The following UPP2 variants were observed in gnomAD, a reference collection of about 807,000 sequenced individuals.
The protein encoded by UPP2 is uridine phosphorylase 2.
Under a neutral mutation model 26.7 loss-of-function variants are expected in UPP2, and 23 were observed. The ratio of observed to expected loss-of-function variants is 0.86; its 90% CI spans 0.62 to 1.22. UPP2 has a LOEUF of 1.22. Ranked by LOEUF, UPP2 falls within the 50% of genes most tolerant of loss-of-function variation. UPP2 has a pLI of 0.00. For missense variants in UPP2, 387 were observed against 396.7 expected, an observed-to-expected ratio of 0.98 and a Z score of 0.21; for synonymous variants, 127 against 141.3, an observed-to-expected ratio of 0.90 and a Z score of 0.72.
intron 2 of UPP2, among the ~76,000 whole-genome samples, chr2:157,999,238 G>A (rs1299211371): frequency 2.0e-5 from 3 of 152,148 alleles, no homozygotes; most frequent in Non-Finnish European, 4.4e-5. Flanking sequence ...GAGTGCAATG[G>A]TGTGATCTTA....
At chr2:158,121,330 C>A in intron 4 of UPP2, 79 bp from the exon 5 acceptor site, 1 of 1,285,612 alleles carries the variant, frequency 7.8e-7, no homozygotes, top group Non-Finnish European at 1.1e-6. Flanking sequence ...AGCATTAATA[C>A]TAGAATAAGT....
At chr2:158,133,580 T>C (rs1366104440) in intron 6 of UPP2, 1 of 152,216 alleles carries the variant, frequency 6.6e-6, no homozygotes, top group Non-Finnish European at 1.5e-5. Context: ...AATTTAATCA[T>C]TTCACAATGT....
Position 158,119,113 on chromosome 2 carries a change from T to C in UPP2, c.454+1175T>C, listed in dbSNP as rs183844207. On this transcript the variant is annotated intron_variant, in intron 4 of 6. Coordinates refer to ENST00000005756, the MANE Select transcript of UPP2 (RefSeq NM_173355.4). ...ATTTGGGCATGAATTTCAGATAACA[T>C]AGCTATTAAAGTTGCTCATAATTCT... is the stretch of plus-strand genomic sequence containing the variant. Among the ~76,000 whole-genome samples the C allele has an allele frequency of 3.3e-5, 5 of 152,204 alleles. No homozygotes were observed. In the East Asian group the frequency reaches 5.8e-4, roughly 18 times the overall value.
At position 158,021,501 on chromosome 2, in the gene UPP2, G is replaced by T. The variant is rs575056484; in HGVS notation, c.147+5615G>T. On this transcript the variant is annotated intron_variant, in intron 3 of 9. Coordinates refer to the UPP2 transcript ENST00000605860. ...ACATGGCTGTCTGTTCATCGGAGGAGAACAAAACACAGCAGAGAAGAAATT... is the reference window on the plus strand; with the variant it reads ...ACATGGCTGTCTGTTCATCGGAGGATAACAAAACACAGCAGAGAAGAAATT... Among the ~76,000 whole-genome samples, 3 of 152,326 alleles carry T rather than the reference G, an allele frequency of 2.0e-5. No individual in the cohort carries two copies. In the East Asian group the frequency reaches 5.8e-4, roughly 29 times the overall value.
intron 2 of UPP2, among the ~76,000 whole-genome samples, chr2:157,995,673 G>GA (rs1434121190): frequency 6.6e-6 from 1 of 151,798 alleles, no homozygotes; most frequent in Non-Finnish European, 1.5e-5. Context: ...AAAGACCCCA[G>GA]AAAAATTATT....
chr2:158,110,944 C>T (rs1177542366), intron 2 of UPP2, among the ~76,000 whole-genome samples: 1 of 152,040 alleles, frequency 6.6e-6, no homozygotes, highest in Non-Finnish European at 1.5e-5. Context: ...AAAATTTTCT[C>T]CCATTCTGAG....
intron 2 of UPP2, among the ~76,000 whole-genome samples, chr2:158,007,616 T>G (rs989883312): frequency 1.3e-5 from 2 of 150,172 alleles, no homozygotes; most frequent in African/African-American, 5.0e-5. Context: ...TTTTCACGTA[T>G]TTCTCTCTCT....
At chr2:158,121,760 C>T (rs1276123344) in intron 5 of UPP2, 142 bp downstream of exon 5, 2 of 731,692 alleles carry the variant, frequency 2.7e-6, no homozygotes, top group Non-Finnish European at 4.5e-6. Flanking sequence ...GCCTTTTTTA[C>T]TTACTAAAGC....
intron 2 of UPP2, among the ~76,000 whole-genome samples, chr2:158,000,469 G>A (rs1319559195): frequency 1.3e-5 from 2 of 152,186 alleles, no homozygotes. Context: ...TAGCAAATGA[G>A]GTCATCTCTT....
Position 158,112,615 on chromosome 2 carries a change from A to T in UPP2, c.181-2486A>T, listed in dbSNP as rs113666518. Among the ~76,000 whole-genome samples, 500 of 152,324 alleles carry T rather than the reference A, an allele frequency of 3.3e-3. 1 individual carries two copies. Among genetic ancestry groups the T allele is most frequent in the African/African-American group, 0.012 (481 of 41,588 alleles). The stretch of plus-strand genomic sequence containing the variant: ...AATAAATAAATTGAACTCTAAAAAA[A>T]AAAGGAAGTTATCTATTCAAAATCA... On this transcript the variant is annotated intron_variant, in intron 2 of 6. Coordinates refer to ENST00000005756, the MANE Select transcript of UPP2 (RefSeq NM_173355.4).
intron 1 of UPP2, among the ~76,000 whole-genome samples, chr2:158,103,835 A>C (rs963870043): frequency 6.6e-6 from 1 of 152,222 alleles, no homozygotes; most frequent in Non-Finnish European, 1.5e-5. Context: ...CACACACTGT[A>C]TAACAAGGGA....
intron 3 of UPP2, among the ~76,000 whole-genome samples, chr2:158,043,772 A>C (rs1684113100): frequency 6.6e-6 from 1 of 152,176 alleles, no homozygotes; most frequent in Non-Finnish European, 1.5e-5. Context: ...AAGACACTTG[A>C]AATTGGAAGC....
At chr2:158,063,803 G>A (rs147980659) in intron 3 of UPP2, among the ~76,000 whole-genome samples, 233 of 152,184 alleles carry the variant, frequency 1.5e-3, no homozygotes, top group African/African-American at 4.9e-3. Flanking sequence ...ATGTCTGTGT[G>A]TTCTCATTGT....
chr2:158,063,928 A>G (rs1246988000), intron 3 of UPP2, among the ~76,000 whole-genome samples: 7 of 152,198 alleles, frequency 4.6e-5, no homozygotes, highest in African/African-American at 1.7e-4. Context: ...ACATAAACTC[A>G]TTCTTTTGTA....
chr2:158,015,646 AG>A (rs1180198676), intron 2 of UPP2, among the ~76,000 whole-genome samples: 2 of 152,150 alleles, frequency 1.3e-5, no homozygotes, highest in Non-Finnish European at 2.9e-5. Flanking sequence ...TCCACGTGTC[AG>A]GGGAGGGGCC....
At chr2:158,110,205 C>G (rs1683286936) in intron 2 of UPP2, among the ~76,000 whole-genome samples, 1 of 152,094 alleles carries the variant, frequency 6.6e-6, no homozygotes, top group African/African-American at 2.4e-5. Flanking sequence ...CTTCCTGTGT[C>G]CAAGTGTTCT....
At chr2:158,031,316 G>A (rs561053403) in intron 3 of UPP2, among the ~76,000 whole-genome samples, 1 of 152,286 alleles carries the variant, frequency 6.6e-6, no homozygotes, top group South Asian at 2.1e-4. Flanking sequence ...AGGCCCTCAA[G>A]AACTAAAGCA....
At chr2:158,073,505 C>T (rs561902693) in intron 3 of UPP2, among the ~76,000 whole-genome samples, 2 of 152,086 alleles carry the variant, frequency 1.3e-5, no homozygotes, top group African/African-American at 2.4e-5. Context: ...GAACACCAAG[C>T]AGATTTAACT....
intron 3 of UPP2, among the ~76,000 whole-genome samples, chr2:158,055,568 G>A (rs1041302589): frequency 2.0e-5 from 3 of 152,114 alleles, no homozygotes; most frequent in African/African-American, 7.2e-5. Context: ...CTAAGTGATA[G>A]CCCTCTAAAA....
Sources: gnomAD v4.1 joint callset for allele counts (sites outside exome capture counted in the v4.1 genomes callset) on GRCh38, gnomAD v4.1.1 for gene constraint, MANE v1.5 for transcripts, NCBI Gene and HGNC (gene_info 2026-07-23, HGNC 2026-07-21) for gene names.